LRGUK: variants seen among roughly 807,000 people sequenced by gnomAD.
The protein encoded by LRGUK is leucine-rich repeat and guanylate kinase domain-containing protein.
Under a neutral mutation model 76.0 loss-of-function variants are expected in LRGUK, and 65 were observed. That is an observed-to-expected ratio of 0.85 (90% CI 0.70 to 1.05). The LOEUF (loss-of-function observed/expected upper bound fraction) is 1.05, where lower values mean the gene tolerates loss of function less well. Among genes scored for constraint, LRGUK ranks in the 50% least tolerant of loss-of-function variants. LRGUK has a pLI of 0.00. For missense variants in LRGUK, 758 were observed against 732.8 expected (o/e 1.03, Z -0.40); for synonymous variants, 268 against 265.6 (o/e 1.01, Z -0.09).
chr7:134,255,828 G>A (rs998360729), intron 18 of LRGUK, among the ~76,000 whole-genome samples: 2 of 152,038 alleles, frequency 1.3e-5, no homozygotes, highest in African/African-American at 2.4e-5. Context: ...TGGGGGATGA[G>A]GGGATCTTTT....
At chr7:134,140,371 A>G (rs560014114) in intron 3 of LRGUK, among the ~76,000 whole-genome samples, 3 of 152,262 alleles carry the variant, frequency 2.0e-5, no homozygotes, top group Admixed American at 1.3e-4. Flanking sequence ...GTCTTTATTT[A>G]GTTGATTCTT....
intron 8 of LRGUK, 55 bp downstream of exon 8, chr7:134,174,691 G>A (rs1799411075): frequency 1.0e-6 from 1 of 955,484 alleles, no homozygotes; most frequent in Non-Finnish European, 1.7e-6. Flanking sequence ...GGATGGTGGA[G>A]GGAAACTATC....
At chr7:134,181,032 C>T (rs1381796779) in intron 10 of LRGUK, among the ~76,000 whole-genome samples, 1 of 152,188 alleles carries the variant, frequency 6.6e-6, no homozygotes, top group Admixed American at 6.5e-5. Flanking sequence ...ATTGTCAAAA[C>T]ATACAGCCAT....
chr7:134,199,350 T>C (rs766838482), exon 14 of LRGUK: 2 of 1,613,952 alleles, frequency 1.2e-6, no homozygotes, highest in East Asian at 2.2e-5. Context: ...GAATTTGCTG[T>C]CTCCAGAGTG....
At chr7:134,154,089 C>T (rs1344156180) in intron 5 of LRGUK, among the ~76,000 whole-genome samples, 1 of 152,064 alleles carries the variant, frequency 6.6e-6, no homozygotes, top group African/African-American at 2.4e-5. Context: ...TTCAGTTTCC[C>T]CAAGGATCTA....
intron 5 of LRGUK, among the ~76,000 whole-genome samples, chr7:134,155,153 T>C (rs1563149134): frequency 6.6e-6 from 1 of 152,238 alleles, no homozygotes. Context: ...ATTCGAAGTT[T>C]TCCTTGCATA....
exon 16 of LRGUK, chr7:134,210,011 T>C (rs866448519): frequency 1.2e-4 from 46 of 399,398 alleles, no homozygotes; most frequent in Middle Eastern, 1.2e-3. Flanking sequence ...AGGCAGCTCC[T>C]CCAGGAGGAA....
chr7:134,213,086 C>T (rs1164499335), downstream of LRGUK, among the ~76,000 whole-genome samples: 4 of 152,266 alleles, frequency 2.6e-5, no homozygotes, highest in East Asian at 3.9e-4. Context: ...GAAGGAACCA[C>T]GTACGCCTAA....
chr7:134,261,776 T>G (rs899993049), intron 19 of LRGUK, among the ~76,000 whole-genome samples: 8 of 152,226 alleles, frequency 5.3e-5, no homozygotes, highest in Admixed American at 4.6e-4. Context: ...CCATGTGGGC[T>G]CTTGTGCAAC....
At chr7:134,202,385 T>C (rs1167123835) in intron 15 of LRGUK, among the ~76,000 whole-genome samples, 2 of 151,968 alleles carry the variant, frequency 1.3e-5, no homozygotes, top group Non-Finnish European at 2.9e-5. Context: ...TTGTGTGCTA[T>C]TGGCAGGAGT....
At position 134,238,597 on chromosome 7, in the gene LRGUK, T is replaced by C. The variant is rs1802066322; in HGVS notation, c.1984-8959T>C. Among the ~76,000 whole-genome samples the C allele has an allele frequency of 2.6e-5, 4 of 152,186 alleles. No homozygotes were observed. In the South Asian group the frequency reaches 8.3e-4, roughly 31 times the overall value. On this transcript the variant is annotated intron_variant, in intron 16 of 19. Transcript: ENST00000285928. ...TTCCTGAGTTCTGCCACCTAGTTCA[T>C]GAGTTTTTAAAATTGTAATTTATCT...
downstream of LRGUK, among the ~76,000 whole-genome samples, chr7:134,211,341 C>T (rs1801261111): frequency 6.6e-6 from 1 of 152,342 alleles, no homozygotes; most frequent in South Asian, 2.1e-4. Flanking sequence ...GCCATATTGC[C>T]ATTAAGTTTT....
chr7:134,128,139 A>C (rs968448084), intron 1 of LRGUK, among the ~76,000 whole-genome samples: 1 of 152,042 alleles, frequency 6.6e-6, no homozygotes, highest in African/African-American at 2.4e-5. Context: ...TCCGCTTTTG[A>C]AAGTGCTTCT....
At chr7:134,213,181 G>A (rs544334817), downstream of LRGUK, among the ~76,000 whole-genome samples, 1 of 152,132 alleles carries the variant, frequency 6.6e-6, no homozygotes, top group African/African-American at 2.4e-5. Flanking sequence ...AGTGCTTTTT[G>A]TGCTACACCG....
intron 11 of LRGUK, among the ~76,000 whole-genome samples, chr7:134,184,230 A>T (rs1799883606): frequency 6.6e-6 from 1 of 151,822 alleles, no homozygotes; most frequent in African/African-American, 2.4e-5. Context: ...CAATAGAAGA[A>T]CTTGCCATAT....
intron 12 of LRGUK, among the ~76,000 whole-genome samples, chr7:134,194,482 C>T (rs969067254): frequency 6.6e-6 from 1 of 152,100 alleles, no homozygotes; most frequent in Admixed American, 6.5e-5. Context: ...GGGCTCACAC[C>T]TGTAATCCCA....
At chr7:134,139,978 A>T (rs988455597) in intron 3 of LRGUK, among the ~76,000 whole-genome samples, 1 of 151,746 alleles carries the variant, frequency 6.6e-6, no homozygotes, top group Non-Finnish European at 1.5e-5. Flanking sequence ...TTAAAAAAAC[A>T]TTTTTTTTGA....
rs577335739 is a variant in LRGUK, at chr7:134,247,724, TA to T, written c.2072+83del. 7.8e-4 allele frequency: 866 copies of T among 1,105,750 alleles called. 13 individuals are homozygous for T. In the South Asian group the frequency reaches 0.011, roughly 14 times the overall value. 68.5% of individuals were successfully genotyped at this position (1,105,750 alleles called of 1,614,324 possible). Reference sequence around the variant, plus strand: ...TCAAATGAATCCTAAATCGTGAACATAAACAGAGACCTCTGTCCTAAAATGG... The same window carrying T: ...TCAAATGAATCCTAAATCGTGAACATAACAGAGACCTCTGTCCTAAAATGG... On this transcript the variant is annotated intron_variant, in intron 17 of 19. Transcript: ENST00000285928.
At chr7:134,192,488 T>A (rs1178595145) in intron 12 of LRGUK, among the ~76,000 whole-genome samples, 1 of 152,270 alleles carries the variant, frequency 6.6e-6, no homozygotes, top group East Asian at 1.9e-4. Flanking sequence ...TGTTTTTTAC[T>A]GAAACCCTGA....
Sources: gnomAD v4.1 joint callset for allele counts (sites outside exome capture counted in the v4.1 genomes callset) on GRCh38, gnomAD v4.1.1 for gene constraint, MANE v1.5 for transcripts, NCBI Gene and HGNC (gene_info 2026-07-23, HGNC 2026-07-21) for gene names.